The following TRAPPC9 variants were observed in gnomAD, a reference collection of about 807,000 sequenced individuals.
The protein encoded by TRAPPC9 is trafficking protein particle complex subunit 9, also known as IKK2 binding protein.
TRAPPC9 carries 83 observed loss-of-function variants against 124.0 expected under a neutral mutation model. That is an observed-to-expected ratio of 0.67 (90% CI 0.56 to 0.80). The LOEUF is 0.80. Ranked by LOEUF, TRAPPC9 falls within the 30% of genes least tolerant of loss-of-function variation. The pLI is 0.00. For synonymous variants in TRAPPC9, 638 were observed against 617.5 expected (o/e 1.03, Z -0.49); for missense variants, 1,302 against 1,508.3 (o/e 0.86, Z 2.27).
intron 4 of TRAPPC9, among the ~76,000 whole-genome samples, chr8:140,430,964 A>G (rs2070618788): frequency 6.6e-6 from 1 of 152,062 alleles, no homozygotes; most frequent in Admixed American, 6.5e-5. Context: ...ATCACTAATA[A>G]GGGCGGAATT....
At chr8:140,187,303 C>T (rs2062374450) in intron 17 of TRAPPC9, among the ~76,000 whole-genome samples, 1 of 152,176 alleles carries the variant, frequency 6.6e-6, no homozygotes, top group African/African-American at 2.4e-5. Context: ...AGCCGATGCC[C>T]CACCTAGACC....
At chr8:139,918,966 A>G (rs554885761) in intron 19 of TRAPPC9, among the ~76,000 whole-genome samples, 1 of 152,306 alleles carries the variant, frequency 6.6e-6, no homozygotes, top group Non-Finnish European at 1.5e-5. Flanking sequence ...AAACAGCCAC[A>G]GGTCCAGCAA....
At chr8:139,852,766 G>A (rs767096618) in intron 21 of TRAPPC9, among the ~76,000 whole-genome samples, 11 of 152,344 alleles carry the variant, frequency 7.2e-5, no homozygotes, top group Non-Finnish European at 1.3e-4. Flanking sequence ...TGGGCTGGCT[G>A]GGAGCTCTGG....
intron 21 of TRAPPC9, among the ~76,000 whole-genome samples, chr8:139,754,499 C>A (rs561961355): frequency 1.2e-3 from 180 of 152,302 alleles, no homozygotes; most frequent in African/African-American, 4.2e-3. Flanking sequence ...CTGCCGTGAC[C>A]GAGATCACAG....
At chr8:139,849,057 C>T (rs572428318) in intron 21 of TRAPPC9, among the ~76,000 whole-genome samples, 107 of 152,318 alleles carry the variant, frequency 7.0e-4, no homozygotes, top group African/African-American at 2.4e-3. Flanking sequence ...CCAACTGGCC[C>T]CCAAGTCAAA....
intron 19 of TRAPPC9, among the ~76,000 whole-genome samples, chr8:139,953,044 G>T (rs1834742856): frequency 6.6e-6 from 1 of 152,292 alleles, no homozygotes; most frequent in South Asian, 2.1e-4. Flanking sequence ...GTAAGAGGAT[G>T]GCTGTTTCCA....
chr8:140,299,392 A>G (rs1025836477), intron 11 of TRAPPC9, among the ~76,000 whole-genome samples: 2 of 152,252 alleles, frequency 1.3e-5, no homozygotes, highest in African/African-American at 4.8e-5. Context: ...TGGAAAGAAA[A>G]GCATGGTGGA....
At chr8:140,029,876 T>G (rs1283336529) in intron 17 of TRAPPC9, among the ~76,000 whole-genome samples, 1 of 151,908 alleles carries the variant, frequency 6.6e-6, no homozygotes, top group Non-Finnish European at 1.5e-5. Context: ...CCTCATGAAT[T>G]TAAATGTAAA....
intron 7 of TRAPPC9, among the ~76,000 whole-genome samples, chr8:140,376,282 C>T (rs1373038644): frequency 8.6e-5 from 13 of 151,712 alleles, no homozygotes; most frequent in East Asian, 1.9e-4. Context: ...GGAGGCCGGG[C>T]GCGGTGGCTC....
intron 12 of TRAPPC9, 32 bp downstream of exon 12, chr8:140,290,961 C>A (rs749940745): frequency 1.3e-6 from 2 of 1,584,182 alleles, no homozygotes; most frequent in Non-Finnish European, 1.7e-6. Flanking sequence ...TGTATGTTAG[C>A]CCAAAAAGGT....
chr8:140,211,868 C>CAA (rs567453031), intron 17 of TRAPPC9, among the ~76,000 whole-genome samples: 192 of 152,274 alleles, frequency 1.3e-3, no homozygotes, highest in Non-Finnish European at 2.5e-3. Context: ...GAGGCGCTTA[C>CAA]AGTGATGGGG....
intron 21 of TRAPPC9, among the ~76,000 whole-genome samples, chr8:139,740,234 T>A (rs775027730): frequency 5.9e-5 from 9 of 152,236 alleles, no homozygotes; most frequent in Non-Finnish European, 7.3e-5. Context: ...CTGCTTCTGT[T>A]TCACATTTAA....
chr8:139,848,710 A>C (rs1394283890), intron 21 of TRAPPC9, among the ~76,000 whole-genome samples: 1 of 152,140 alleles, frequency 6.6e-6, no homozygotes, highest in East Asian at 1.9e-4. Context: ...GATGAATTAC[A>C]GTGTTTAAAA....
intron 19 of TRAPPC9, among the ~76,000 whole-genome samples, chr8:139,929,239 G>C (rs1832980266): frequency 6.6e-6 from 1 of 152,236 alleles, no homozygotes; most frequent in Non-Finnish European, 1.5e-5. Context: ...AACCATGACT[G>C]TCACATTTTA....
At chr8:140,300,709 A>T in intron 10 of TRAPPC9, 95 bp from the exon 11 acceptor site, 1 of 1,483,792 alleles carries the variant, frequency 6.7e-7, no homozygotes, top group Non-Finnish European at 9.4e-7. Context: ...AAAAACAGTA[A>T]ATCAGTCAGA....
At chr8:140,266,356 G>A (rs903219430) in intron 15 of TRAPPC9, among the ~76,000 whole-genome samples, 2 of 151,994 alleles carry the variant, frequency 1.3e-5, no homozygotes, top group South Asian at 2.1e-4. Flanking sequence ...CCAGCTACTT[G>A]GAACGCTAAG....
At chr8:140,270,884 A>G (rs2064856630) in intron 15 of TRAPPC9, among the ~76,000 whole-genome samples, 1 of 152,376 alleles carries the variant, frequency 6.6e-6, no homozygotes, top group Middle Eastern at 3.4e-3. Flanking sequence ...TGGGCCACAC[A>G]GGGCCGCGGG....
Position 139,731,069 on chromosome 8 carries a change from G to A in TRAPPC9, c.3439C>T (p.Gln1147Ter), listed in dbSNP as rs369603584. ...PSVHVCALEA[Q>*]A ...GACGGAAGTAGGCGGGCTCAGGCCT[G>A]CGCCTCCAGGGCACACACGTGCACA... is the stretch of plus-strand genomic sequence containing the variant. The change falls in exon 23 of 23, where the codon CAG becomes TAG. Residue 1147 changes from glutamine (Q) to a stop codon, truncating the protein, a stop_gained. Transcript: ENST00000438773. LOFTEE classifies it high-confidence loss of function. 4 of 1,612,628 alleles carry A rather than the reference G, an allele frequency of 2.5e-6. No homozygotes were observed. In the African/African-American group the frequency reaches 5.3e-5, roughly 22 times the overall value.
intron 17 of TRAPPC9, among the ~76,000 whole-genome samples, chr8:140,145,275 CTAAT>C (rs2061444572): frequency 6.6e-6 from 1 of 151,936 alleles, no homozygotes; most frequent in South Asian, 2.1e-4. Flanking sequence ...TTCTTCCATT[CTAAT>C]TAATATACCT....
Sources: gnomAD v4.1 joint callset for allele counts (sites outside exome capture counted in the v4.1 genomes callset) on GRCh38, gnomAD v4.1.1 for gene constraint, MANE v1.5 for transcripts, NCBI Gene and HGNC (gene_info 2026-07-23, HGNC 2026-07-21) for gene names.